The following THAP2 variants were observed in gnomAD, a reference collection of about 807,000 sequenced individuals.
THAP2 encodes THAP domain-containing protein 2.
THAP2 carries 16 observed loss-of-function variants against 18.8 expected under a neutral mutation model. That is an observed-to-expected ratio of 0.85 (90% confidence interval 0.58 to 1.29). The LOEUF (loss-of-function observed/expected upper bound fraction) is 1.29. Among genes scored for constraint, THAP2 ranks in the 50% most tolerant of loss-of-function variants. THAP2 has a pLI of 0.00. For synonymous variants in THAP2, 80 were observed against 89.2 expected, an observed-to-expected ratio of 0.90 and a Z score of 0.58; for missense variants, 251 against 265.3, an observed-to-expected ratio of 0.95 and a Z score of 0.38.
Position 71,676,958 on chromosome 12 carries a change from TA to T in THAP2, c.538del (p.Ser180ValfsTer16), listed in dbSNP as rs1350374453. 6.2e-7 allele frequency: 1 copy of T among 1,613,612 alleles called. No individual in the cohort carries two copies. Among genetic ancestry groups the T allele is most frequent in the Non-Finnish European group, 8.5e-7 (1 of 1,179,718 alleles). ...TCLVKNLEAN[S>X]VLPKGTSEHM... ...GTTTGGTAAAGAATTTAGAAGCAAA[TA>T]GTGTATTACCTAAAGGTACATCAGA... On this transcript the variant is annotated frameshift_variant, in exon 3 of 3. Coordinates refer to ENST00000308086, the MANE Select transcript of THAP2 (RefSeq NM_031435.4). LOFTEE classifies it high-confidence loss of function.
intron 1 of THAP2, among the ~76,000 whole-genome samples, chr12:71,668,120 A>G (rs1033820457): frequency 6.6e-6 from 1 of 152,172 alleles, no homozygotes; most frequent in East Asian, 1.9e-4. Context: ...TAAGGTTCAA[A>G]ATTACTCTTT....
chr12:71,668,059 C>T (rs1000879646), intron 1 of THAP2: 1 of 152,166 alleles, frequency 6.6e-6, no homozygotes, highest in East Asian at 1.9e-4. Flanking sequence ...CAATCAGCTC[C>T]CACAATTCAG....
At chr12:71,669,973 A>AC (rs1881407398) in intron 1 of THAP2, among the ~76,000 whole-genome samples, 1 of 150,638 alleles carries the variant, frequency 6.6e-6, no homozygotes, top group Admixed American at 6.6e-5. Flanking sequence ...AAAAAAAAAA[A>AC]CTCTATTTTC....
intron 1 of THAP2, among the ~76,000 whole-genome samples, chr12:71,671,160 C>T (rs1881430413): frequency 6.6e-6 from 1 of 152,074 alleles, no homozygotes; most frequent in Non-Finnish European, 1.5e-5. Context: ...GGAAATACAT[C>T]ATAATTTCTG....
intron 1 of THAP2, chr12:71,664,823 T>C: frequency 1.4e-6 from 1 of 704,622 alleles, no homozygotes; most frequent in Middle Eastern, 2.3e-4. Flanking sequence ...TAAAAAAAAG[T>C]AACAGGAGGA....
At chr12:71,674,598 T>C (rs1178028812) in intron 2 of THAP2, among the ~76,000 whole-genome samples, 200 bp downstream of exon 2, 1 of 152,136 alleles carries the variant, frequency 6.6e-6, no homozygotes, top group African/African-American at 2.4e-5. Flanking sequence ...CCAAATTGTT[T>C]TACTATATTG....
intron 1 of THAP2, among the ~76,000 whole-genome samples, chr12:71,668,695 A>G (rs1353801191): frequency 6.6e-6 from 1 of 152,204 alleles, no homozygotes; most frequent in African/African-American, 2.4e-5. Context: ...AGTGCTTGGA[A>G]TGTATGAGGC....
In THAP2 at chr12:71,676,939, T is replaced by C. The variant is rs1431605966; in HGVS notation, c.518T>C (p.Val173Ala). Reference protein sequence around the residue: ...TRRWIKATCLVKNLEANSVLP... With the variant: ...TRRWIKATCLAKNLEANSVLP... ...AGATGGATCAAAGCCACGTGTTTGG[T>C]AAAGAATTTAGAAGCAAATAGTGTA... is the stretch of plus-strand genomic sequence containing the variant. The change falls in exon 3 of 3, where the codon GTA becomes GCA. Residue 173 changes from valine (V) to alanine (A), a missense_variant. Val to Ala is a moderately conservative substitution (Grantham distance 64). Transcript: ENST00000308086. 6.2e-7 allele frequency: 1 copy of C among 1,613,676 alleles called. No individual in the cohort carries two copies. Among genetic ancestry groups the C allele is most frequent in the Non-Finnish European group, 8.5e-7 (1 of 1,179,750 alleles).
At chr12:71,666,757 CAG>C (rs963640183) in intron 1 of THAP2, among the ~76,000 whole-genome samples, 61 of 151,990 alleles carry the variant, frequency 4.0e-4, no homozygotes, top group African/African-American at 1.4e-3. Flanking sequence ...CTTTTTGAGA[CAG>C]AGTCTCATTC....
rs139171720 is a variant in THAP2, at chr12:71,669,410, G to C, written c.72-4793G>C. ...GTTTTAAAAAGAGCTTTAAAAGAGA[G>C]AATTAAGGACCTGAAAAATAGTATC... is the stretch of plus-strand genomic sequence containing the variant. On this transcript the variant is annotated intron_variant, in intron 1 of 2. Transcript: ENST00000308086. 1.2e-3 allele frequency among the ~76,000 whole-genome samples: 177 copies of C among 152,268 alleles called. 1 individual carries two copies. The highest frequency in any genetic ancestry group is 4.0e-3 in the African/African-American group (167 of 41,558).
chr12:71,667,221 ACT>A (rs1378353422), intron 1 of THAP2, among the ~76,000 whole-genome samples: 1 of 151,846 alleles, frequency 6.6e-6, no homozygotes, highest in African/African-American at 2.4e-5. Flanking sequence ...TCCATGAAAT[ACT>A]CTCTATGACA....
intron 1 of THAP2, among the ~76,000 whole-genome samples, chr12:71,671,500 C>CT (rs1461123143): frequency 2.6e-5 from 4 of 152,168 alleles, no homozygotes; most frequent in Non-Finnish European, 4.4e-5. Context: ...CACTGCCCAC[C>CT]TTTTTTGCCA....
At position 71,676,768 on chromosome 12, in the gene THAP2, G is replaced by A; in HGVS notation, c.347G>A (p.Ser116Asn). Residue 116 changes from serine to asparagine, a missense_variant, in exon 3 of 3, where the codon AGT (serine) becomes AAT (asparagine). By Grantham distance (46) the Ser-to-Asn change is conservative. Coordinates refer to ENST00000308086, the MANE Select transcript of THAP2 (RefSeq NM_031435.4). ...AGPSNLKSNI[S>N]SQQVLLEHSY... ...CCATCTAATTTAAAATCAAACATTA[G>A]TAGTCAGCAAGTACTACTTGAACAC... The A allele has an allele frequency of 6.2e-7, 1 of 1,612,624 alleles. No homozygotes were observed. Among genetic ancestry groups the A allele is most frequent in the Non-Finnish European group, 8.5e-7 (1 of 1,179,306 alleles).
intron 1 of THAP2, chr12:71,667,596 C>T (rs899775001): frequency 4.6e-5 from 7 of 152,276 alleles, no homozygotes; most frequent in African/African-American, 1.7e-4. Flanking sequence ...CCTCCCTTGA[C>T]TTCTCACCAT....
In THAP2 at chr12:71,680,497, T is replaced by A. The variant is rs946523366; in HGVS notation, c.*3389T>A. On this transcript the variant is annotated 3_prime_UTR_variant, in exon 3 of 3. Coordinates refer to ENST00000308086, the MANE Select transcript of THAP2 (RefSeq NM_031435.4). ...TTGCTATAATATAGGAAATGGTTCA[T>A]CTTTGTACCAAAATATTGCATTCTT... is the stretch of plus-strand genomic sequence containing the variant. The A allele has an allele frequency of 1.3e-5, 2 of 152,632 alleles. No individual in the cohort carries two copies. The highest frequency in any genetic ancestry group is 2.9e-5 in the Non-Finnish European group (2 of 68,020). The allele number at this position is 152,632 out of a possible 1,614,324, so 9.5% of individuals were successfully genotyped here. A position where few individuals can be genotyped will look rare whatever the true frequency, so the allele number is the denominator to read the frequency against.
chr12:71,669,925 C>G (rs967106438), intron 1 of THAP2, among the ~76,000 whole-genome samples: 1 of 149,808 alleles, frequency 6.7e-6, no homozygotes, highest in Non-Finnish European at 1.5e-5. Flanking sequence ...CCACTGCACT[C>G]CAGCCTCGGC....
In THAP2 at chr12:71,664,539, T is replaced by C. The variant is rs1242018068; in HGVS notation, c.30T>C (p.Cys10=). The C allele has an allele frequency of 6.2e-7, 1 of 1,614,146 alleles. No individual in the cohort carries two copies. Among genetic ancestry groups the C allele is most frequent in the East Asian group, 2.2e-5 (1 of 44,886 alleles). The change falls in exon 1 of 3, where the codon TGT becomes TGC. Residue 10 remains cysteine (C), a synonymous_variant. Transcript: ENST00000308086. ...CGACCAATTGCGCTGCGGCGGGCTGTGCCACTACCTACAACAAGCACATTA... is the reference window on the plus strand; with the variant it reads ...CGACCAATTGCGCTGCGGCGGGCTGCGCCACTACCTACAACAAGCACATTA... MPTNCAAAG[C]ATTYNKHINI...
In THAP2 at chr12:71,677,711, G is replaced by A. The variant is rs1028346979; in HGVS notation, c.*603G>A. 1 of 152,158 alleles carries A rather than the reference G, an allele frequency of 6.6e-6. No individual in the cohort carries two copies. Among genetic ancestry groups the A allele is most frequent in the Non-Finnish European group, 1.5e-5 (1 of 68,016 alleles). The allele number at this position is 152,158 out of a possible 1,614,324, so 9.4% of individuals were successfully genotyped here. ...TAAAATATTTTGAAAATATTTGAATGTGAAGTACCATTGAGTCATCCAAAC... is the reference window on the plus strand; with the variant it reads ...TAAAATATTTTGAAAATATTTGAATATGAAGTACCATTGAGTCATCCAAAC... On this transcript the variant is annotated 3_prime_UTR_variant, in exon 3 of 3. Coordinates refer to ENST00000308086, the MANE Select transcript of THAP2 (RefSeq NM_031435.4).
intron 1 of THAP2, 44 bp downstream of exon 1, chr12:71,664,624 A>G (rs780043201): frequency 2.3e-5 from 37 of 1,604,738 alleles, no homozygotes; most frequent in Non-Finnish European, 2.9e-5. Flanking sequence ...TGGAGTTCCT[A>G]TTGTGGCTAT....
Sources: allele counts gnomAD v4.1 joint callset (sites outside exome capture counted in the v4.1 genomes callset), GRCh38; gene constraint gnomAD v4.1.1; transcripts MANE v1.5; gene names NCBI Gene and HGNC (gene_info 2026-07-23, HGNC 2026-07-21).